Variants in TRPC5 observed in about 807,000 individuals in gnomAD.
The protein encoded by TRPC5 is short transient receptor potential channel 5.
A neutral mutation model predicts 56.5 loss-of-function variants in TRPC5; 9 were observed. The ratio of observed to expected loss-of-function variants is 0.16; its 90% CI spans 0.10 to 0.28. TRPC5 has a LOEUF of 0.28. Among genes scored for constraint, TRPC5 ranks in the 10% least tolerant of loss-of-function variants. The probability of loss-of-function intolerance (pLI) is 1.00; values close to 1 mark genes in which losing one functional copy is unlikely to be tolerated. For synonymous variants in TRPC5, 282 were observed against 278.5 expected, an observed-to-expected ratio of 1.01 and a Z score of -0.13; for missense variants, 469 against 748.9, an observed-to-expected ratio of 0.63 and a Z score of 4.36.
chrX:112,069,809 A>T (rs1930673227), intron 1 of TRPC5, among the ~76,000 whole-genome samples: 1 of 111,371 alleles, frequency 9.0e-6, no homozygotes, highest in African/African-American at 3.3e-5. Flanking sequence ...CCATTGTAGC[A>T]TTTTATTTGG....
At chrX:111,867,927 C>A (rs1424316293) in intron 3 of TRPC5, among the ~76,000 whole-genome samples, 1 of 112,184 alleles carries the variant, frequency 8.9e-6, no homozygotes, top group Non-Finnish European at 1.9e-5. Flanking sequence ...GTACACAGAA[C>A]CTTCTAAGTT....
At chrX:111,845,952 C>G (rs1192795673) in intron 6 of TRPC5, among the ~76,000 whole-genome samples, 1 of 112,208 alleles carries the variant, frequency 8.9e-6, no homozygotes, top group Non-Finnish European at 1.9e-5. Context: ...ATCATAGATT[C>G]CATTCTCCTG....
At chrX:111,933,698 T>G (rs1762954141) in intron 2 of TRPC5, among the ~76,000 whole-genome samples, 2 of 111,629 alleles carry the variant, frequency 1.8e-5, no homozygotes, top group Admixed American at 1.9e-4. Context: ...AGATCAAGTT[T>G]AAATAATTAT....
At chrX:112,068,931 C>T (rs751644898) in intron 1 of TRPC5, among the ~76,000 whole-genome samples, 4 of 111,728 alleles carry the variant, frequency 3.6e-5, no homozygotes, top group Admixed American at 9.5e-5. Context: ...GCCAAGTCTA[C>T]CTTAAACTGA....
Position 112,014,730 on chromosome X carries a change from C to T in TRPC5, c.-21-62289G>A, listed in dbSNP as rs139467776. 5.1e-3 allele frequency among the ~76,000 whole-genome samples: 569 copies of T among 112,006 alleles called. 7 individuals carry two copies. Among genetic ancestry groups the T allele is most frequent in the African/African-American group, 0.017 (516 of 30,844 alleles). ...TCTCATGAGCCATCCTAGCACTCCC[C>T]TGATCCAAAACAGGGCATGGACCAG... On this transcript the variant is annotated intron_variant, in intron 1 of 10. Coordinates refer to ENST00000262839, the MANE Select transcript of TRPC5 (RefSeq NM_012471.3).
rs927110433 is a variant in TRPC5 at position 111,912,609 on chromosome X, G to A, written c.582C>T (p.Arg194=). The change falls in exon 3 of 11, where the codon CGC becomes CGT. Residue 194 remains arginine (R), a synonymous_variant. Transcript: ENST00000262839. ...GAGCCTTATAGATGTTCAGTCGGGAGCGAGAGTGGCGCAGGCTGTCTACCT... is the reference window on the plus strand; with the variant it reads ...GAGCCTTATAGATGTTCAGTCGGGAACGAGAGTGGCGCAGGCTGTCTACCT... ...SSEVDSLRHS[R]SRLNIYKALA... is the part of the protein sequence containing the mutation. 5.0e-6 allele frequency: 6 copies of A among 1,209,461 alleles called. No individual in the cohort carries two copies. In the African/African-American group the frequency reaches 1.1e-4, roughly 21 times the overall value.
At chrX:111,964,305 C>G (rs886738305) in intron 1 of TRPC5, among the ~76,000 whole-genome samples, 1 of 111,809 alleles carries the variant, frequency 8.9e-6, no homozygotes, top group Admixed American at 9.5e-5. Context: ...ACAAAGCCTC[C>G]AAGAAATATG....
At chrX:111,880,040 C>A (rs188551198) in intron 3 of TRPC5, among the ~76,000 whole-genome samples, 361 of 110,686 alleles carry the variant, frequency 3.3e-3, no homozygotes, top group African/African-American at 0.011. Context: ...TAGGAAAAAT[C>A]TCTGTTTTCA....
At chrX:111,809,387 GTTAGCCCAGCTCACTGGGCTGGGT>G (rs1921625734) in intron 7 of TRPC5, among the ~76,000 whole-genome samples, 1 of 111,524 alleles carries the variant, frequency 9.0e-6, no homozygotes, top group South Asian at 3.8e-4. Context: ...CACTCCAGGG[GTTAGCCCAGCTCACTGGGCTGGGT>G]TCTGCCCAGT....
At chrX:111,985,156 T>TG (rs1326111077) in intron 1 of TRPC5, among the ~76,000 whole-genome samples, 10 of 112,294 alleles carry the variant, frequency 8.9e-5, no homozygotes, top group Non-Finnish European at 1.7e-4. Context: ...GCAATTCTAG[T>TG]GGTATTCACT....
intron 2 of TRPC5, among the ~76,000 whole-genome samples, chrX:111,949,615 G>C (rs754027771): frequency 8.9e-6 from 1 of 112,171 alleles, no homozygotes; most frequent in East Asian, 2.8e-4. Flanking sequence ...CTGATGATCA[G>C]GGAAATGCAA....
intron 1 of TRPC5, among the ~76,000 whole-genome samples, chrX:112,004,126 T>C (rs1039068626): frequency 8.9e-6 from 1 of 112,278 alleles, no homozygotes; most frequent in Non-Finnish European, 1.9e-5. Flanking sequence ...TGCAGTGCTA[T>C]GCAGCAGAGA....
chrX:111,905,799 C>A (rs1176384472), intron 3 of TRPC5, among the ~76,000 whole-genome samples: 2 of 107,867 alleles, frequency 1.9e-5, no homozygotes, highest in African/African-American at 6.8e-5. Flanking sequence ...CCTGTAGTCC[C>A]AGCTACTCAG....
intron 2 of TRPC5, among the ~76,000 whole-genome samples, chrX:111,923,629 A>T (rs910157267): frequency 9.8e-5 from 11 of 111,964 alleles, no homozygotes; most frequent in African/African-American, 2.9e-4. Context: ...CAAAAAACCA[A>T]AAAAGGTAAA....
chrX:111,893,785 T>G, intron 3 of TRPC5, among the ~76,000 whole-genome samples: 1 of 112,291 alleles, frequency 8.9e-6, no homozygotes, highest in Non-Finnish European at 1.9e-5. Flanking sequence ...TCAGATCCTA[T>G]AACAGGCAAA....
At chrX:111,987,261 T>C (rs1014510817) in intron 1 of TRPC5, among the ~76,000 whole-genome samples, 7 of 112,028 alleles carry the variant, frequency 6.2e-5, no homozygotes, top group Non-Finnish European at 1.3e-4. Flanking sequence ...TATTTTGATA[T>C]ACGTATACAT....
chrX:112,005,247 G>A (rs1425369334), intron 1 of TRPC5, among the ~76,000 whole-genome samples: 3 of 109,877 alleles, frequency 2.7e-5, no homozygotes, highest in Non-Finnish European at 5.7e-5. Context: ...ACTTATGAGT[G>A]GGAGCTAAAT....
At chrX:111,824,895 C>G (rs1277333599) in intron 7 of TRPC5, among the ~76,000 whole-genome samples, 3 of 111,459 alleles carry the variant, frequency 2.7e-5, no homozygotes, top group Non-Finnish European at 5.7e-5. Flanking sequence ...AAACACTAGG[C>G]CAATCCCCGC....
At chrX:111,891,025 A>G (rs1247405028) in intron 3 of TRPC5, among the ~76,000 whole-genome samples, 2 of 111,929 alleles carry the variant, frequency 1.8e-5, no homozygotes, top group Non-Finnish European at 3.8e-5. Flanking sequence ...AGCTCAATCC[A>G]TGTCCCTGCA....
Sources: allele counts gnomAD v4.1 joint callset (sites outside exome capture counted in the v4.1 genomes callset), GRCh38; gene constraint gnomAD v4.1.1; transcripts MANE v1.5; gene names NCBI Gene and HGNC (gene_info 2026-07-23, HGNC 2026-07-21).